The following LRP4 variants were observed in gnomAD, a reference collection of about 807,000 sequenced individuals.
LRP4 encodes the protein low-density lipoprotein receptor-related protein 4.
LRP4 carries 95 observed loss-of-function variants against 220.3 expected under a neutral mutation model. The observed-to-expected ratio is 0.43, with a 90% CI of 0.37 to 0.51. The LOEUF is 0.51. Ranked by LOEUF, LRP4 falls within the 20% of genes least tolerant of loss-of-function variation. LRP4 has a pLI of 0.00. For missense variants in LRP4, 1,925 were observed against 2,567.0 expected (o/e 0.75, Z 5.40); for synonymous variants, 903 against 954.6 (o/e 0.95, Z 1.00).
intron 16 of LRP4, among the ~76,000 whole-genome samples, chr11:46,887,137 T>A (rs992998262): frequency 1.3e-5 from 2 of 152,178 alleles, no homozygotes; most frequent in African/African-American, 4.8e-5. Context: ...GAGCTAGGAC[T>A]CAGATCTGAC....
Position 46,899,139 on chromosome 11 carries a change from A to C in LRP4, c.548-107T>G. ...GATGCTCAGGCAGGAGAGCTTCTTC[A>C]AGTGAGATGTAACCAGGTTTCATCT... On this transcript the variant is annotated intron_variant, in intron 5 of 37. Coordinates refer to ENST00000378623, the MANE Select transcript of LRP4 (RefSeq NM_002334.4). This position sits in a 1 kb window ranked among gnomAD's most constrained non-coding sequence, Gnocchi z 5.9. 1.8e-6 allele frequency: 2 copies of C among 1,125,388 alleles called. No homozygotes were observed. The highest frequency in any genetic ancestry group is 2.6e-6 in the Non-Finnish European group (2 of 771,036). 69.7% of individuals were successfully genotyped at this position (1,125,388 alleles called of 1,614,324 possible).
Position 46,875,168 on chromosome 11 carries a change from C to T in LRP4, c.3926-65G>A. 1 of 1,535,704 alleles carries T rather than the reference C, an allele frequency of 6.5e-7. No homozygotes were observed. Among genetic ancestry groups the T allele is most frequent in the Non-Finnish European group, 8.9e-7 (1 of 1,127,366 alleles). ...ACATCATCTGAATCTTACAAAGGTC[C>T]CAGTTGTTTGTGGCTGGCTCTTTGC... On this transcript the variant is annotated intron_variant, in intron 27 of 37. Transcript: ENST00000378623. This position sits in a 1 kb window ranked among gnomAD's most constrained non-coding sequence, Gnocchi z 4.5.
chr11:46,876,963 C>T (rs897267372), intron 23 of LRP4, 133 bp from the exon 24 acceptor site: 15 of 886,414 alleles, frequency 1.7e-5, no homozygotes, highest in Admixed American at 3.8e-5. Flanking sequence ...TCAAGGAAAA[C>T]GCAGAAATAT....
At chr11:46,871,713 C>T in intron 30 of LRP4, 80 bp from the exon 31 acceptor site, 3 of 916,544 alleles carry the variant, frequency 3.3e-6, no homozygotes, top group Non-Finnish European at 5.3e-6. Context: ...CCTGTTTGTC[C>T]CCTCCTGAGC....
intron 36 of LRP4, among the ~76,000 whole-genome samples, chr11:46,863,489 G>A (rs558257645): frequency 6.7e-6 from 1 of 149,696 alleles, no homozygotes; most frequent in East Asian, 2.0e-4. Context: ...TGTAATCTTG[G>A]CACTTAGAGA....
intron 36 of LRP4, 105 bp from the exon 37 acceptor site, chr11:46,862,852 T>A: frequency 1.1e-6 from 1 of 937,932 alleles, no homozygotes; most frequent in Non-Finnish European, 1.7e-6. Context: ...ATGATCCCAG[T>A]GACTCCCACT....
At chr11:46,866,335 G>A (rs992659071) in intron 34 of LRP4, among the ~76,000 whole-genome samples, 9 of 150,248 alleles carry the variant, frequency 6.0e-5, no homozygotes, top group African/African-American at 2.4e-5. Flanking sequence ...CCAGGCTGGT[G>A]TGCAGTGGCA....
chr11:46,890,369 G>T lies in LRP4; in HGVS notation c.1823C>A (p.Ala608Asp). 6.2e-7 allele frequency: 1 copy of T among 1,614,142 alleles called. No individual in the cohort carries two copies. The highest frequency in any genetic ancestry group is 8.5e-7 in the Non-Finnish European group (1 of 1,180,024). Residue 608 changes from alanine (A) to aspartate (D), a missense_variant, in exon 14 of 38, where the codon GCC (alanine) becomes GAC (aspartate). Physicochemically the swap from Ala to Asp is moderately radical, Grantham distance 126. Coordinates refer to ENST00000378623, the MANE Select transcript of LRP4 (RefSeq NM_002334.4). This position sits in a 1 kb window ranked among gnomAD's most constrained non-coding sequence, Gnocchi z 5.3. ...ATCCACCCAGTACATACGGCGCCCGGCATAGTCGATGGTGAGGCCATTGGG... is the reference window on the plus strand; with the variant it reads ...ATCCACCCAGTACATACGGCGCCCGTCATAGTCGATGGTGAGGCCATTGGG... Reference protein sequence around the residue: ...FWPNGLTIDYAGRRMYWVDAK... With the variant: ...FWPNGLTIDYDGRRMYWVDAK...
chr11:46,873,342 C>G lies in LRP4; in HGVS notation c.4448+33G>C, dbSNP rs903048948. ...CCATCTTTCCACCCAGCCCTTCTTCCCTGGATCTCTCTTCTGCTGGCCATA... is the reference window on the plus strand; with the variant it reads ...CCATCTTTCCACCCAGCCCTTCTTCGCTGGATCTCTCTTCTGCTGGCCATA... On this transcript the variant is annotated intron_variant, in intron 29 of 37. Coordinates refer to ENST00000378623, the MANE Select transcript of LRP4 (RefSeq NM_002334.4). The surrounding 1 kb of genome is among the most constrained non-coding windows in gnomAD (Gnocchi z 4.2). 1.9e-6 allele frequency: 3 copies of G among 1,613,152 alleles called. No homozygotes were observed. The highest frequency in any genetic ancestry group is 2.5e-6 in the Non-Finnish European group (3 of 1,179,386).
chr11:46,874,945 C>T lies in LRP4; in HGVS notation c.4084G>A (p.Gly1362Ser), dbSNP rs1167183839. 1.9e-6 allele frequency: 3 copies of T among 1,614,076 alleles called. No homozygotes were observed. In the African/African-American group the frequency reaches 4.0e-5, roughly 22 times the overall value. The change falls in exon 28 of 38, where the codon GGC becomes AGC. Residue 1362 changes from glycine (G) to serine (S), a missense_variant. Coordinates refer to ENST00000378623, the MANE Select transcript of LRP4 (RefSeq NM_002334.4). ...TCCAGTGAGATACGCCGGATGGAGC[C>T]ACGGCTGGAGAAGAGCAGGTAGGTC... is the stretch of plus-strand genomic sequence containing the variant. ...PETYLLFSSR[G>S]SIRRISLDTS...
At chr11:46,892,925 T>C (rs1297175576) in intron 13 of LRP4, 48 bp downstream of exon 13, 2 of 1,603,758 alleles carry the variant, frequency 1.2e-6, no homozygotes, top group Admixed American at 1.7e-5. Flanking sequence ...GCCTGGGAGC[T>C]GTCCCGAGAG....
Position 46,881,768 on chromosome 11 carries a change from A to C in LRP4, c.2748T>G (p.Arg916=). ...NGLAIDYGSQ[R]LYWADAGMKT... ...TCATGCCGGCGTCAGCCCAGTATAGACGCTGGGACCCATAATCAATAGCTA... is the reference window on the plus strand; with the variant it reads ...TCATGCCGGCGTCAGCCCAGTATAGCCGCTGGGACCCATAATCAATAGCTA... The change falls in exon 20 of 38, where the codon CGT becomes CGG. Residue 916 remains arginine (R), a synonymous_variant. Coordinates refer to ENST00000378623, the MANE Select transcript of LRP4 (RefSeq NM_002334.4). The C allele has an allele frequency of 6.2e-7, 1 of 1,613,952 alleles. No individual in the cohort carries two copies. The highest frequency in any genetic ancestry group is 8.5e-7 in the Non-Finnish European group (1 of 1,180,044).
chr11:46,892,920 G>A (rs1941452168), intron 13 of LRP4, 53 bp downstream of exon 13: 1 of 1,600,002 alleles, frequency 6.2e-7, no homozygotes, highest in African/African-American at 1.3e-5. Context: ...AGGTAGCCTG[G>A]GAGCTGTCCC....
chr11:46,877,394 T>G (rs977784455), intron 22 of LRP4, 55 bp from the exon 23 acceptor site: 1 of 1,603,700 alleles, frequency 6.2e-7, no homozygotes, highest in East Asian at 2.2e-5. Flanking sequence ...TTAAATGGAT[T>G]TGGAATCAGG....
intron 1 of LRP4, among the ~76,000 whole-genome samples, chr11:46,913,986 G>A (rs142166973): frequency 1.5e-4 from 23 of 152,266 alleles, no homozygotes; most frequent in Middle Eastern, 3.4e-3. Context: ...TTTTAGCACA[G>A]AACACGGTAG....
At chr11:46,915,325 A>G (rs1941931753) in intron 1 of LRP4, among the ~76,000 whole-genome samples, 1 of 152,194 alleles carries the variant, frequency 6.6e-6, no homozygotes, top group East Asian at 1.9e-4. Flanking sequence ...CATTTCCCTT[A>G]CCTGGATGAG....
At chr11:46,892,947 G>A in intron 13 of LRP4, 26 bp downstream of exon 13, 1 of 1,611,068 alleles carries the variant, frequency 6.2e-7, no homozygotes, top group Non-Finnish European at 8.5e-7. Flanking sequence ...TTGCAAGAAA[G>A]TTCGGGAGCC....
intron 34 of LRP4, among the ~76,000 whole-genome samples, chr11:46,866,274 T>G (rs950679457): frequency 6.6e-6 from 1 of 151,794 alleles, no homozygotes; most frequent in Non-Finnish European, 1.5e-5. Flanking sequence ...TATTTATTTA[T>G]TTATTTTTTG....
At chr11:46,906,328 C>T (rs546204776) in intron 1 of LRP4, among the ~76,000 whole-genome samples, 18 of 152,050 alleles carry the variant, frequency 1.2e-4, no homozygotes, top group Non-Finnish European at 1.8e-4. Flanking sequence ...TGGTGGCGCA[C>T]GCCTGTAGTC....
Sources: allele counts gnomAD v4.1 joint callset (sites outside exome capture counted in the v4.1 genomes callset), GRCh38; gene constraint gnomAD v4.1.1; non-coding constraint Gnocchi (gnomAD v3.1); transcripts MANE v1.5; gene names NCBI Gene and HGNC (gene_info 2026-07-23, HGNC 2026-07-21).